The following NBAS variants were observed in gnomAD, a reference collection of about 807,000 sequenced individuals.
NBAS encodes the protein NAG/BC035112 fusion.
Under a neutral mutation model 302.5 loss-of-function variants are expected in NBAS, and 219 were observed. The observed-to-expected ratio is 0.72, with a 90% CI of 0.65 to 0.81. NBAS has a LOEUF of 0.81. NBAS is among the 30% of genes least tolerant of loss of function. The probability of loss-of-function intolerance (pLI) is 0.00; values close to 1 mark genes in which losing one functional copy is unlikely to be tolerated. For synonymous variants in NBAS, 1,118 were observed against 1,021.6 expected, an observed-to-expected ratio of 1.09 and a Z score of -1.80; for missense variants, 2,932 against 2,841.6, an observed-to-expected ratio of 1.03 and a Z score of -0.72.
At chr2:15,200,047 C>T (rs1013322803) in intron 48 of NBAS, among the ~76,000 whole-genome samples, 2 of 151,908 alleles carry the variant, frequency 1.3e-5, no homozygotes, top group Non-Finnish European at 2.9e-5. Flanking sequence ...AGACCACAGG[C>T]ACATGCCACT....
the NBAS span, among the ~76,000 whole-genome samples, chr2:14,963,737 G>A: frequency 1.3e-5 from 2 of 152,194 alleles, no homozygotes; most frequent in Middle Eastern, 3.2e-3. Flanking sequence ...ATTCCACTGA[G>A]ACAGCACTCC....
At chr2:15,198,854 C>T (rs563015553) in intron 48 of NBAS, among the ~76,000 whole-genome samples, 4 of 152,174 alleles carry the variant, frequency 2.6e-5, no homozygotes, top group East Asian at 3.9e-4. Flanking sequence ...TGGCCGGGCG[C>T]GGTGGCTCAC....
intron 48 of NBAS, among the ~76,000 whole-genome samples, chr2:15,200,700 G>T (rs949532778): frequency 6.6e-6 from 1 of 152,080 alleles, no homozygotes; most frequent in Non-Finnish European, 1.5e-5. Context: ...TCTCCTCATT[G>T]AATTAGGTGA....
At chr2:15,155,139 G>A in the NBAS span, among the ~76,000 whole-genome samples, 7 of 152,192 alleles carry the variant, frequency 4.6e-5, no homozygotes, top group Non-Finnish European at 2.9e-5. Context: ...AAAGGATAGA[G>A]CAAGTCCTTA....
intron 21 of NBAS, among the ~76,000 whole-genome samples, chr2:15,458,318 T>C (rs1679341201): frequency 6.6e-6 from 1 of 152,190 alleles, no homozygotes; most frequent in South Asian, 2.1e-4. Flanking sequence ...GCAGTAACTA[T>C]GACATGGTTT....
At chr2:15,006,442 T>C in the NBAS span, among the ~76,000 whole-genome samples, 1 of 152,124 alleles carries the variant, frequency 6.6e-6, no homozygotes, top group Non-Finnish European at 1.5e-5. Context: ...TATAAAGCTA[T>C]TAAAATATAT....
chr2:15,372,400 A>G (rs1674529271), intron 31 of NBAS, among the ~76,000 whole-genome samples: 1 of 152,250 alleles, frequency 6.6e-6, no homozygotes. Flanking sequence ...GATGAGAAAC[A>G]GCAACTCCTG....
the NBAS span, among the ~76,000 whole-genome samples, chr2:14,859,031 T>C: frequency 6.6e-6 from 1 of 152,142 alleles, no homozygotes; most frequent in Non-Finnish European, 1.5e-5. Context: ...AGCATTTATA[T>C]ATGCCAACAG....
At chr2:14,833,422 A>G in the NBAS span, among the ~76,000 whole-genome samples, 1 of 152,196 alleles carries the variant, frequency 6.6e-6, no homozygotes, top group African/African-American at 2.4e-5. Context: ...AGACTCATCT[A>G]GAAATATTTC....
chr2:15,229,399 C>A (rs188530700), intron 47 of NBAS, among the ~76,000 whole-genome samples: 1 of 132,840 alleles, frequency 7.5e-6, no homozygotes, highest in East Asian at 2.1e-4. Context: ...ACCACCTAAA[C>A]GTGTACAATT....
rs1392951954 is a variant in NBAS, at chr2:15,504,000, T to C, written c.954+145A>G. On this transcript the variant is annotated intron_variant, in intron 11 of 51. Coordinates refer to ENST00000281513, the MANE Select transcript of NBAS (RefSeq NM_015909.4). Reference sequence around the variant, plus strand: ...CTTCAGCACCAGCTCTATGAATTCTTACTAATGCATATAGCCACATAGTGT... The same window carrying C: ...CTTCAGCACCAGCTCTATGAATTCTCACTAATGCATATAGCCACATAGTGT... The C allele has an allele frequency of 7.0e-6, 5 of 709,848 alleles. No individual in the cohort carries two copies. In the African/African-American group the frequency reaches 7.0e-5, roughly 10 times the overall value. 44.0% of individuals were successfully genotyped at this position (709,848 alleles called of 1,614,324 possible).
rs545471763 is a variant in NBAS at position 15,522,426 on chromosome 2, G to A, written c.747-11076C>T. Among the ~76,000 whole-genome samples the A allele has an allele frequency of 1.8e-4, 27 of 152,216 alleles. No individual in the cohort carries two copies. The South Asian group carries it at 5.4e-3, about 30-fold the overall frequency. ...CATGAGAAGAAGCAGGTTTGAAGGA[G>A]GAAAATGATGAACACAGAATATAAT... On this transcript the variant is annotated intron_variant, in intron 9 of 51. Transcript: ENST00000281513.
At chr2:15,511,786 G>A (rs1240565392) in intron 9 of NBAS, among the ~76,000 whole-genome samples, 1 of 152,194 alleles carries the variant, frequency 6.6e-6, no homozygotes, top group African/African-American at 2.4e-5. Flanking sequence ...GAATGGGAAA[G>A]AACCACAGAG....
the NBAS span, among the ~76,000 whole-genome samples, chr2:14,922,984 C>G: frequency 2.0e-5 from 3 of 152,078 alleles, no homozygotes; most frequent in Admixed American, 2.0e-4. Context: ...AACCCCGCCT[C>G]TACTAAAAAT....
intron 21 of NBAS, among the ~76,000 whole-genome samples, chr2:15,434,434 A>G (rs1384550012): frequency 6.6e-6 from 1 of 152,226 alleles, no homozygotes; most frequent in African/African-American, 2.4e-5. Context: ...CATTACAAAG[A>G]AAGTCACCAG....
At chr2:15,285,912 G>A (rs915011334) in intron 42 of NBAS, among the ~76,000 whole-genome samples, 1 of 152,064 alleles carries the variant, frequency 6.6e-6, no homozygotes, top group Non-Finnish European at 1.5e-5. Flanking sequence ...ATCACAGCGC[G>A]GCCTCCCAAA....
chr2:15,353,627 C>T lies in NBAS; in HGVS notation c.4015G>A (p.Ala1339Thr). 1 of 1,614,096 alleles carries T rather than the reference C, an allele frequency of 6.2e-7. No individual in the cohort carries two copies. The highest frequency in any genetic ancestry group is 8.5e-7 in the Non-Finnish European group (1 of 1,179,974). ...QDLATRQELM[A>T]FALTHCPPSS... ...GGAGGGCAATGTGTCAAAGCAAAAG[C>T]CATGAGCTCTTGACGAGTGGCCAAG... The change falls in exon 34 of 52, where the codon GCT (alanine) becomes ACT (threonine). Residue 1339 changes from alanine (A) to threonine (T), a missense_variant. Coordinates refer to ENST00000281513, the MANE Select transcript of NBAS (RefSeq NM_015909.4).
chr2:15,131,282 T>C, the NBAS span, among the ~76,000 whole-genome samples: 1 of 152,196 alleles, frequency 6.6e-6, no homozygotes, highest in African/African-American at 2.4e-5. Flanking sequence ...ATCTAACTTC[T>C]TCCCTTTGAG....
chr2:15,383,935 A>G (rs1225266975), intron 28 of NBAS, among the ~76,000 whole-genome samples: 1 of 152,196 alleles, frequency 6.6e-6, no homozygotes, highest in Non-Finnish European at 1.5e-5. Flanking sequence ...GCCCCAGTAC[A>G]AGAAGCCAGA....
Sources: gnomAD v4.1 joint callset for allele counts (sites outside exome capture counted in the v4.1 genomes callset) on GRCh38, gnomAD v4.1.1 for gene constraint, MANE v1.5 for transcripts, NCBI Gene and HGNC (gene_info 2026-07-23, HGNC 2026-07-21) for gene names.